PHC2: variants seen among roughly 807,000 people sequenced by gnomAD.
PHC2 encodes polyhomeotic homolog 2.
In PHC2, 29 loss-of-function variants were observed where a neutral mutation model predicts 87.4. The observed-to-expected ratio is 0.33, with a 90% confidence interval of 0.25 to 0.45. The LOEUF (loss-of-function observed/expected upper bound fraction) is 0.45. PHC2 is among the 20% of genes least tolerant of loss of function. The pLI is 1.00. For missense variants in PHC2, 857 were observed against 1,136.7 expected (o/e 0.75, Z 3.54); for synonymous variants, 438 against 461.7 (o/e 0.95, Z 0.66).
intron 1 of PHC2, among the ~76,000 whole-genome samples, chr1:33,391,244 G>C (rs1649039805): frequency 6.6e-6 from 1 of 152,228 alleles, no homozygotes; most frequent in Non-Finnish European, 1.5e-5. Context: ...TTGGAGAATG[G>C]TGGGGAAGCA....
intron 13 of PHC2, among the ~76,000 whole-genome samples, chr1:33,329,649 T>C (rs1646445731): frequency 6.6e-6 from 1 of 152,184 alleles, no homozygotes. Context: ...AATACCCATG[T>C]TCCTGGTAGA....
At chr1:33,384,920 C>T (rs1648664546) in intron 1 of PHC2, among the ~76,000 whole-genome samples, 1 of 152,212 alleles carries the variant, frequency 6.6e-6, no homozygotes, top group South Asian at 2.1e-4. Context: ...AAGCTCTTCA[C>T]CTCCTGATGA....
At chr1:33,388,513 C>T (rs1201540247) in intron 1 of PHC2, among the ~76,000 whole-genome samples, 3 of 151,896 alleles carry the variant, frequency 2.0e-5, no homozygotes, top group Admixed American at 1.3e-4. Flanking sequence ...TTAGTAGAGA[C>T]AGGGTTTCAC....
Position 33,365,400 on chromosome 1 carries a change from C to G in PHC2, c.976+1716G>C, listed in dbSNP as rs912334020. 3.3e-5 allele frequency among the ~76,000 whole-genome samples: 5 copies of G among 152,220 alleles called. No homozygotes were observed. In the East Asian group the frequency reaches 5.8e-4, roughly 18 times the overall value. ...TTGAACAGTGTTAGAACTTGGGGGG[C>G]TGGCTTAGATTTAGAGAGAGGTTAC... On this transcript the variant is annotated intron_variant, in intron 7 of 14. Transcript: ENST00000683057.
At chr1:33,346,731 T>C (rs1646851552) in intron 9 of PHC2, 1 of 985,136 alleles carries the variant, frequency 1.0e-6, no homozygotes. Context: ...ACTTGGCAAA[T>C]GGTTACTGAA....
At chr1:33,406,184 A>G (rs1649755115) in intron 1 of PHC2, among the ~76,000 whole-genome samples, 1 of 152,150 alleles carries the variant, frequency 6.6e-6, no homozygotes, top group Non-Finnish European at 1.5e-5. Context: ...TTTGATGAAT[A>G]AAAATTTAAT....
chr1:33,331,211 T>C lies in PHC2; in HGVS notation c.2006+137A>G. ...CGTGCTTGTTGAATTAGGGATGCCA[T>C]CCTGCTTCCAGGTGGGTCGAGGAAC... On this transcript the variant is annotated intron_variant, in intron 12 of 14. Transcript: ENST00000683057. This position sits in a 1 kb window ranked among gnomAD's most constrained non-coding sequence, Gnocchi z 5.2. 2 of 505,516 alleles carry C rather than the reference T, an allele frequency of 4.0e-6. No individual in the cohort carries two copies. The highest frequency in any genetic ancestry group is 3.7e-5 in the South Asian group (1 of 27,322). The allele number at this position is 505,516 out of a possible 1,614,324, so 31.3% of individuals were successfully genotyped here.
chr1:33,368,512 C>T lies in PHC2; in HGVS notation c.663+24G>A. ...CTACAGGGGTGCCCACCCCCCTGCC[C>T]TCCCACAAGCATGGAGTCCTCACCT... On this transcript the variant is annotated intron_variant, in intron 6 of 14. Transcript: ENST00000683057. The surrounding 1 kb of genome is among the most constrained non-coding windows in gnomAD (Gnocchi z 6.6). 1.5e-6 allele frequency: 2 copies of T among 1,342,684 alleles called. No homozygotes were observed. Among genetic ancestry groups the T allele is most frequent in the Non-Finnish European group, 2.1e-6 (2 of 974,098 alleles). The allele number at this position is 1,342,684 out of a possible 1,614,324, so 83.2% of individuals were successfully genotyped here.
At chr1:33,339,476 T>C (rs1646702134) in intron 9 of PHC2, among the ~76,000 whole-genome samples, 1 of 151,996 alleles carries the variant, frequency 6.6e-6, no homozygotes, top group Non-Finnish European at 1.5e-5. Flanking sequence ...CCTGTTACAG[T>C]GGGGATTTCC....
intron 7 of PHC2, among the ~76,000 whole-genome samples, chr1:33,366,108 G>T (rs564174736): frequency 6.6e-6 from 1 of 152,318 alleles, no homozygotes; most frequent in Non-Finnish European, 1.5e-5. Context: ...TTTTGACAAA[G>T]ATGTATTGAG....
At chr1:33,374,978 G>A (rs752719117) in intron 2 of PHC2, among the ~76,000 whole-genome samples, 6 of 152,186 alleles carry the variant, frequency 3.9e-5, no homozygotes, top group Non-Finnish European at 7.3e-5. Context: ...AAGGGAGAAG[G>A]TAAAAAGCTG....
At position 33,425,834 on chromosome 1, in the gene PHC2, T is replaced by C. The variant is rs144641676; in HGVS notation, c.-55+5142A>G. 2.1e-4 allele frequency among the ~76,000 whole-genome samples: 32 copies of C among 152,360 alleles called. 1 individual carries two copies. In the East Asian group the frequency reaches 6.2e-3, roughly 29 times the overall value. ...GCAGTTTATATTGGACATCTCTTCA[T>C]ATTTTTCTTCTCACGTTTTCTTAGG... On this transcript the variant is annotated intron_variant, in intron 1 of 14. Coordinates refer to ENST00000683057, the MANE Select transcript of PHC2 (RefSeq NM_001385109.1).
At chr1:33,408,682 G>C (rs1649864949) in intron 1 of PHC2, among the ~76,000 whole-genome samples, 3 of 152,058 alleles carry the variant, frequency 2.0e-5, no homozygotes, top group African/African-American at 7.2e-5. Flanking sequence ...GGCCAGGCTG[G>C]TCTCGAACTC....
chr1:33,335,861 C>G (rs530808619), intron 9 of PHC2, among the ~76,000 whole-genome samples: 3 of 151,840 alleles, frequency 2.0e-5, no homozygotes, highest in African/African-American at 7.2e-5. Flanking sequence ...GATCTCGCCA[C>G]CCCCCTCCAG....
At chr1:33,425,066 A>G (rs566782129) in intron 1 of PHC2, among the ~76,000 whole-genome samples, 6 of 152,370 alleles carry the variant, frequency 3.9e-5, no homozygotes, top group African/African-American at 1.4e-4. Flanking sequence ...ATGTACCCTC[A>G]TAAAATTTAA....
intron 4 of PHC2, 118 bp from the exon 5 acceptor site, chr1:33,370,703 A>G (rs1647774307): frequency 9.9e-6 from 10 of 1,012,944 alleles, no homozygotes; most frequent in Admixed American, 2.4e-5. Context: ...CTCCTTCAGG[A>G]ACGTCTGTGG....
chr1:33,378,381 AAC>A (rs1648291205), intron 1 of PHC2, among the ~76,000 whole-genome samples: 1 of 152,214 alleles, frequency 6.6e-6, no homozygotes, highest in African/African-American at 2.4e-5. Flanking sequence ...GTTCCATTCA[AAC>A]ACAGACTACC....
intron 9 of PHC2, chr1:33,346,427 C>T: frequency 1.0e-6 from 1 of 985,318 alleles, no homozygotes; most frequent in Non-Finnish European, 1.2e-6. Flanking sequence ...ATTATGAAGA[C>T]TCCTCATTCT....
At chr1:33,419,536 G>T (rs1570515822) in intron 1 of PHC2, among the ~76,000 whole-genome samples, 1 of 152,134 alleles carries the variant, frequency 6.6e-6, no homozygotes, top group Non-Finnish European at 1.5e-5. Context: ...ACTTGTGATT[G>T]TATTTAGGGC....
Sources: gnomAD v4.1 joint callset for allele counts (sites outside exome capture counted in the v4.1 genomes callset) on GRCh38, gnomAD v4.1.1 for gene constraint, Gnocchi (gnomAD v3.1) non-coding constraint, MANE v1.5 for transcripts, NCBI Gene and HGNC (gene_info 2026-07-23, HGNC 2026-07-21) for gene names.